SYK: variants seen among roughly 807,000 people sequenced by gnomAD.
SYK encodes the protein spleen associated tyrosine kinase.
Under a neutral mutation model 77.8 loss-of-function variants are expected in SYK, and 16 were observed. The ratio of observed to expected loss-of-function variants is 0.21; its 90% confidence interval spans 0.14 to 0.31. The LOEUF (loss-of-function observed/expected upper bound fraction) is 0.31. Ranked by LOEUF, SYK falls within the 10% of genes least tolerant of loss-of-function variation. The pLI, the probability that SYK is intolerant of heterozygous loss-of-function variation, is 1.00. For missense variants in SYK, 529 were observed against 814.4 expected, an observed-to-expected ratio of 0.65 and a Z score of 4.26; for synonymous variants, 312 against 308.7, an observed-to-expected ratio of 1.01 and a Z score of -0.11.
rs112169586 is a variant in SYK at position 90,815,094 on chromosome 9, TA to T, written c.-42+13213del. ...TAGTGCTTGTTCCTTTCTCTTCGGT[TA>T]AAAAAAAAAAATCCAACATAGTTTC... is the stretch of plus-strand genomic sequence containing the variant. On this transcript the variant is annotated intron_variant, in intron 1 of 13. Coordinates refer to ENST00000375754, the MANE Select transcript of SYK (RefSeq NM_003177.7). Among the ~76,000 whole-genome samples the T allele has an allele frequency of 5.6e-3, 825 of 147,606 alleles. 3 individuals are homozygous for T. Among genetic ancestry groups the T allele is most frequent in the Non-Finnish European group, 6.7e-3 (448 of 66,564 alleles).
Position 90,895,497 on chromosome 9 carries a change from G to T in SYK, c.1836-31G>T. 1 of 1,612,724 alleles carries T rather than the reference G, an allele frequency of 6.2e-7. No homozygotes were observed. The highest frequency in any genetic ancestry group is 1.1e-5 in the South Asian group (1 of 91,006). ...ATCAGCAATTTTTCACAAGCACATT[G>T]ACAAACAAGAATGCATCTCTTCCAT... On this transcript the variant is annotated intron_variant, in intron 13 of 13. Transcript: ENST00000375754. The surrounding 1 kb of genome is among the most constrained non-coding windows in gnomAD (Gnocchi z 4.4).
At chr9:90,846,407 C>G (rs1323631710) in intron 3 of SYK, among the ~76,000 whole-genome samples, 2 of 152,166 alleles carry the variant, frequency 1.3e-5, no homozygotes, top group Non-Finnish European at 2.9e-5. Context: ...ATTGGTGAAT[C>G]CCCAGCCGAC....
chr9:90,851,178 A>AAATCCATCTCCAGATG (rs1369789098), intron 3 of SYK, among the ~76,000 whole-genome samples: 2 of 152,174 alleles, frequency 1.3e-5, no homozygotes, highest in Admixed American at 1.3e-4. Flanking sequence ...GCCAGCAACC[A>AAATCCATCTCCAGATG]AATCCATCTC....
At chr9:90,848,349 G>A (rs1030910495) in intron 3 of SYK, among the ~76,000 whole-genome samples, 19 of 152,230 alleles carry the variant, frequency 1.2e-4, no homozygotes, top group Admixed American at 8.5e-4. Context: ...GTGTGAGTGC[G>A]TCAGCTCCTG....
rs1416252296 is a variant in SYK at position 90,896,847 on chromosome 9, T to C, written c.*1247T>C. 1.9e-5 allele frequency: 4 copies of C among 205,300 alleles called. No individual in the cohort carries two copies. The highest frequency in any genetic ancestry group is 4.6e-5 in the African/African-American group (2 of 43,740). The allele number at this position is 205,300 out of a possible 1,614,324, so 12.7% of individuals were successfully genotyped here. On this transcript the variant is annotated 3_prime_UTR_variant, in exon 14 of 14. Coordinates refer to ENST00000375754, the MANE Select transcript of SYK (RefSeq NM_003177.7). ...TTTGAGACTAGCCTGGCCAATATGG[T>C]AAAACCCCATCTCTACTAAAAATAC...
Position 90,843,843 on chromosome 9 carries a change from C to G in SYK, c.-41-15C>G. 3 of 1,422,570 alleles carry G rather than the reference C, an allele frequency of 2.1e-6. No individual in the cohort carries two copies. The highest frequency in any genetic ancestry group is 2.8e-6 in the Non-Finnish European group (3 of 1,089,536). The allele number at this position is 1,422,570 out of a possible 1,614,324, so 88.1% of individuals were successfully genotyped here. On this transcript the variant is annotated splice_polypyrimidine_tract_variant and intron_variant, in intron 1 of 13. Transcript: ENST00000375754. ...TGGGGTCCTCACCAAAGTTCTCTGT[C>G]TCTGTCTTGCCCAGGTGGACACCTG... is the stretch of plus-strand genomic sequence containing the variant.
At chr9:90,856,016 T>C (rs1485516705) in intron 3 of SYK, among the ~76,000 whole-genome samples, 1 of 152,130 alleles carries the variant, frequency 6.6e-6, no homozygotes, top group Non-Finnish European at 1.5e-5. Context: ...CCAAATACTG[T>C]ATTATTGGAC....
intron 1 of SYK, among the ~76,000 whole-genome samples, chr9:90,829,696 C>T (rs1825809705): frequency 6.6e-6 from 1 of 152,172 alleles, no homozygotes; most frequent in African/African-American, 2.4e-5. Context: ...ATGACTTGCA[C>T]GTGATAGATG....
chr9:90,824,872 A>G, intron 1 of SYK, among the ~76,000 whole-genome samples: 1 of 152,190 alleles, frequency 6.6e-6, no homozygotes, highest in Admixed American at 6.5e-5. Flanking sequence ...AGCCCTAGCT[A>G]GTGCAAGAAA....
chr9:90,807,454 CTCT>C (rs1824880970), intron 1 of SYK, among the ~76,000 whole-genome samples: 3 of 152,114 alleles, frequency 2.0e-5, no homozygotes. Flanking sequence ...TATTTGTAAG[CTCT>C]TCTTTTGTAA....
chr9:90,826,578 C>A (rs902261943), intron 1 of SYK, among the ~76,000 whole-genome samples: 3 of 152,196 alleles, frequency 2.0e-5, no homozygotes, highest in African/African-American at 7.2e-5. Flanking sequence ...CTAACCCCAC[C>A]CCAGTAAACT....
At chr9:90,876,165 T>C (rs1827918890) in intron 9 of SYK, among the ~76,000 whole-genome samples, 1 of 151,858 alleles carries the variant, frequency 6.6e-6, no homozygotes, top group African/African-American at 2.4e-5. Flanking sequence ...CATACACCTG[T>C]AGTCCCAACT....
intron 1 of SYK, among the ~76,000 whole-genome samples, chr9:90,812,011 C>T (rs1434214056): frequency 6.6e-6 from 1 of 151,460 alleles, no homozygotes; most frequent in Non-Finnish European, 1.5e-5. Context: ...TTGTCGTTTA[C>T]TACTTATACA....
intron 1 of SYK, among the ~76,000 whole-genome samples, chr9:90,808,638 C>T (rs540416993): frequency 6.6e-6 from 1 of 152,146 alleles, no homozygotes; most frequent in South Asian, 2.1e-4. Flanking sequence ...TGGGTATGGC[C>T]ATGCCTTCCC....
intron 1 of SYK, among the ~76,000 whole-genome samples, chr9:90,834,483 T>G (rs1451601288): frequency 6.6e-6 from 1 of 152,222 alleles, no homozygotes; most frequent in Non-Finnish European, 1.5e-5. Flanking sequence ...TTCCCGATTC[T>G]CACCTCTGTG....
At position 90,807,419 on chromosome 9, in the gene SYK, C is replaced by T. The variant is rs140763333; in HGVS notation, c.-42+5526C>T. 7.5e-3 allele frequency among the ~76,000 whole-genome samples: 1,142 copies of T among 152,244 alleles called. 14 individuals are homozygous for T. The highest frequency in any genetic ancestry group is 0.026 in the African/African-American group (1,087 of 41,534). ...GGGTTGAGAGTAAGGGTCTGAGGCC[C>T]CACTGGGTTCAAGTCCCCCTTCTTT... On this transcript the variant is annotated intron_variant, in intron 1 of 13. Coordinates refer to ENST00000375754, the MANE Select transcript of SYK (RefSeq NM_003177.7).
At chr9:90,881,565 A>C (rs1828152799) in intron 11 of SYK, among the ~76,000 whole-genome samples, 1 of 150,724 alleles carries the variant, frequency 6.6e-6, no homozygotes, top group African/African-American at 2.4e-5. Context: ...CTGTAATCCC[A>C]GCTACTCTGG....
intron 1 of SYK, among the ~76,000 whole-genome samples, chr9:90,835,458 T>G (rs1410032894): frequency 1.3e-5 from 2 of 152,142 alleles, no homozygotes; most frequent in Non-Finnish European, 2.9e-5. Context: ...TGAGAGGTCT[T>G]GAAATAATGT....
chr9:90,878,280 T>C (rs1828019616), intron 10 of SYK, among the ~76,000 whole-genome samples: 2 of 152,228 alleles, frequency 1.3e-5, no homozygotes, highest in Admixed American at 6.5e-5. Flanking sequence ...AAAGCTGTTG[T>C]TGAGATGAAG....
Sources: gnomAD v4.1 joint callset for allele counts (sites outside exome capture counted in the v4.1 genomes callset) on GRCh38, gnomAD v4.1.1 for gene constraint, Gnocchi (gnomAD v3.1) non-coding constraint, MANE v1.5 for transcripts, NCBI Gene and HGNC (gene_info 2026-07-23, HGNC 2026-07-21) for gene names.